The following TVP23B variants were observed in gnomAD, a reference collection of about 807,000 sequenced individuals.
TVP23B encodes Golgi apparatus membrane protein TVP23 homolog B.
TVP23B carries 10 observed loss-of-function variants against 30.6 expected under a neutral mutation model. That is an observed-to-expected ratio of 0.33 (90% CI 0.20 to 0.55). The LOEUF (loss-of-function observed/expected upper bound fraction) is 0.55. Ranked by LOEUF, TVP23B falls within the 20% of genes least tolerant of loss-of-function variation. The probability of loss-of-function intolerance (pLI) is 0.91; values close to 1 mark genes in which losing one functional copy is unlikely to be tolerated. For synonymous variants in TVP23B, 67 were observed against 83.1 expected (o/e 0.81, Z 1.06); for missense variants, 153 against 243.2 (o/e 0.63, Z 2.47).
chr17:18,788,484 A>G (rs1299690536), intron 1 of TVP23B, among the ~76,000 whole-genome samples: 2 of 152,200 alleles, frequency 1.3e-5, no homozygotes, highest in East Asian at 3.9e-4. Context: ...TATGCTGATT[A>G]GAAAGATTCA....
chr17:18,786,906 C>T (rs1432794629), intron 1 of TVP23B, among the ~76,000 whole-genome samples: 1 of 149,512 alleles, frequency 6.7e-6, no homozygotes, highest in Non-Finnish European at 1.5e-5. Flanking sequence ...AAACTCTCCT[C>T]CAGAAAGCTT....
At chr17:18,794,309 C>T (rs376781144) in intron 3 of TVP23B, among the ~76,000 whole-genome samples, 1 of 152,110 alleles carries the variant, frequency 6.6e-6, no homozygotes, top group Admixed American at 6.5e-5. Flanking sequence ...TGAAGAAAAT[C>T]AAAATAAAAT....
At chr17:18,803,637 T>G (rs1597624953) in intron 5 of TVP23B, among the ~76,000 whole-genome samples, 1 of 152,374 alleles carries the variant, frequency 6.6e-6, no homozygotes, top group Non-Finnish European at 1.5e-5. Flanking sequence ...TCGGTTGATT[T>G]ATGCCTTAGG....
chr17:18,794,221 A>T, intron 3 of TVP23B, among the ~76,000 whole-genome samples: 1 of 152,228 alleles, frequency 6.6e-6, no homozygotes, highest in Admixed American at 6.5e-5. Flanking sequence ...TGATAGCAGT[A>T]TTTGGGACTT....
chr17:18,802,111 A>G (rs2036177032), intron 5 of TVP23B, among the ~76,000 whole-genome samples: 1 of 152,102 alleles, frequency 6.6e-6, no homozygotes, highest in African/African-American at 2.4e-5. Flanking sequence ...AGTCCCAGTT[A>G]CTCGGGAGGC....
intron 4 of TVP23B, among the ~76,000 whole-genome samples, chr17:18,798,378 G>A (rs1335061453): frequency 6.7e-6 from 1 of 150,084 alleles, no homozygotes; most frequent in East Asian, 2.0e-4. Context: ...AAGACATTTT[G>A]ATTATTGTCC....
At position 18,800,953 on chromosome 17, in the gene TVP23B, A is replaced by ATAAGT. The variant is rs572721797; in HGVS notation, c.462+2013_462+2017dup. Among the ~76,000 whole-genome samples the ATAAGT allele has an allele frequency of 5.3e-4, 80 of 152,214 alleles. 1 individual carries two copies. In the South Asian group the frequency reaches 0.016, roughly 30 times the overall value. On this transcript the variant is annotated intron_variant, in intron 5 of 6. Transcript: ENST00000307767. ...CAGAGCTGTCTGGAGACACAGGGGG[A>ATAAGT]TAAGTTAGGGGACAGTAAACAAGTT...
chr17:18,805,078 CT>C (rs71155360), intron 6 of TVP23B, among the ~76,000 whole-genome samples: 8,103 of 108,308 alleles, frequency 0.075, 107 homozygotes, highest in Non-Finnish European at 0.11. Flanking sequence ...GTGACTAGGT[CT>C]TTTTTTTTTT....
chr17:18,799,343 G>A (rs2036122960), intron 5 of TVP23B, among the ~76,000 whole-genome samples: 1 of 151,282 alleles, frequency 6.6e-6, no homozygotes, highest in Non-Finnish European at 1.5e-5. Flanking sequence ...GACAGTAGTT[G>A]GAATGATGGG....
intron 1 of TVP23B, among the ~76,000 whole-genome samples, chr17:18,784,336 C>G (rs547376330): frequency 6.6e-6 from 1 of 152,182 alleles, no homozygotes; most frequent in Admixed American, 6.5e-5. Context: ...ACTGAGTTCC[C>G]TGATGACCTG....
intron 1 of TVP23B, chr17:18,782,628 C>T (rs1369542752): frequency 6.6e-6 from 1 of 152,242 alleles, no homozygotes; most frequent in Non-Finnish European, 1.5e-5. Context: ...ACCTGGAGGG[C>T]TGCTGGTGGC....
intron 1 of TVP23B, 32 bp downstream of exon 1, chr17:18,781,337 C>A: frequency 7.6e-6 from 12 of 1,569,132 alleles, no homozygotes; most frequent in Non-Finnish European, 9.5e-6. Context: ...GGGAGGGTGG[C>A]GGCTCCTGGG....
At chr17:18,797,429 G>A (rs1597621358) in intron 3 of TVP23B, 150 bp from the exon 4 acceptor site, 1 of 1,458,388 alleles carries the variant, frequency 6.9e-7, no homozygotes, top group Non-Finnish European at 9.2e-7. Flanking sequence ...CACTTAGCCA[G>A]GCCTGATACA....
At chr17:18,802,625 A>C (rs2532469) in intron 5 of TVP23B, among the ~76,000 whole-genome samples, 5 of 151,584 alleles carry the variant, frequency 3.3e-5, no homozygotes, top group African/African-American at 4.9e-5. Context: ...GCCCTTTTTT[A>C]TGTTTGTTGG....
At chr17:18,790,665 G>A (rs151146447) in intron 2 of TVP23B, among the ~76,000 whole-genome samples, 3 of 152,058 alleles carry the variant, frequency 2.0e-5, no homozygotes, top group Admixed American at 2.0e-4. Context: ...TATTCAATGA[G>A]GTGTTAAAGT....
intron 1 of TVP23B, 173 bp downstream of exon 1, chr17:18,781,478 G>C: frequency 8.0e-7 from 1 of 1,250,310 alleles, no homozygotes; most frequent in East Asian, 2.6e-5. Context: ...TGGGGGTTCT[G>C]AGGCCGCTGG....
Position 18,805,917 on chromosome 17 carries a change from A to G in TVP23B, c.*350A>G, listed in dbSNP as rs975101096. 9.7e-7 allele frequency: 1 copy of G among 1,031,272 alleles called. No homozygotes were observed. The highest frequency in any genetic ancestry group is 1.2e-6 in the Non-Finnish European group (1 of 856,162). The allele number at this position is 1,031,272 out of a possible 1,614,324, so 63.9% of individuals were successfully genotyped here. A position where few individuals can be genotyped will look rare whatever the true frequency, so the allele number is the denominator to read the frequency against. On this transcript the variant is annotated 3_prime_UTR_variant, in exon 7 of 7. Transcript: ENST00000307767. Reference sequence around the variant, plus strand: ...TGGAGACCTTTGCATTTTGATCCATAGAACATAGGAGGATGTTCTTAGTCT... The same window carrying G: ...TGGAGACCTTTGCATTTTGATCCATGGAACATAGGAGGATGTTCTTAGTCT...
intron 5 of TVP23B, among the ~76,000 whole-genome samples, chr17:18,800,599 C>G (rs2036146461): frequency 6.6e-6 from 1 of 151,602 alleles, no homozygotes; most frequent in African/African-American, 2.4e-5. Flanking sequence ...TGAGGCCAGG[C>G]TTACTTAACC....
rs376678088 is a variant in TVP23B, at chr17:18,804,167, A to G, written c.492A>G (p.Gln164=). The change falls in exon 6 of 7, where the codon CAA becomes CAG. Residue 164 remains glutamine (Q), a synonymous_variant. Transcript: ENST00000307767. ...LAVVIMGVVL[Q]GANLYGYIRC... ...TGGTTATCATGGGTGTGGTGCTACAAGGTGCCAACCTGTATGGTTACATCA... is the reference window on the plus strand; with the variant it reads ...TGGTTATCATGGGTGTGGTGCTACAGGGTGCCAACCTGTATGGTTACATCA... 262 of 1,613,740 alleles carry G rather than the reference A, an allele frequency of 1.6e-4. No individual in the cohort carries two copies. The highest frequency in any genetic ancestry group is 2.1e-4 in the Non-Finnish European group (250 of 1,179,784).
Sources: gnomAD v4.1 joint callset for allele counts (sites outside exome capture counted in the v4.1 genomes callset) on GRCh38, gnomAD v4.1.1 for gene constraint, MANE v1.5 for transcripts, NCBI Gene and HGNC (gene_info 2026-07-23, HGNC 2026-07-21) for gene names.